MYO1E: variants seen among roughly 807,000 people sequenced by gnomAD.
MYO1E encodes myosin IE.
Under a neutral mutation model 151.1 loss-of-function variants are expected in MYO1E, and 68 were observed. The ratio of observed to expected loss-of-function variants is 0.45; its 90% CI spans 0.37 to 0.55. The LOEUF (loss-of-function observed/expected upper bound fraction) is 0.55. Among genes scored for constraint, MYO1E ranks in the 20% least tolerant of loss-of-function variants. The pLI is 0.00. For synonymous variants in MYO1E, 601 were observed against 501.7 expected, an observed-to-expected ratio of 1.20 and a Z score of -2.64; for missense variants, 1,363 against 1,389.3, an observed-to-expected ratio of 0.98 and a Z score of 0.30.
At chr15:59,284,914 C>A (rs2080378382) in intron 1 of MYO1E, among the ~76,000 whole-genome samples, 1 of 152,196 alleles carries the variant, frequency 6.6e-6, no homozygotes, top group Admixed American at 6.5e-5. Flanking sequence ...CATTTCACTT[C>A]TGCTCTGATT....
intron 1 of MYO1E, among the ~76,000 whole-genome samples, chr15:59,322,308 C>T (rs73426976): frequency 0.19 from 29,293 of 152,056 alleles, 3,559 homozygotes; most frequent in African/African-American, 0.34. Flanking sequence ...ACATGTACCC[C>T]TTGAATCTAA....
chr15:59,260,357 C>T (rs1310143334), intron 3 of MYO1E, among the ~76,000 whole-genome samples: 1 of 152,206 alleles, frequency 6.6e-6, no homozygotes, highest in East Asian at 1.9e-4. Flanking sequence ...CAGCCTCCTT[C>T]GGCTCCAGCT....
At chr15:59,194,233 G>A (rs2079751943) in intron 17 of MYO1E, among the ~76,000 whole-genome samples, 1 of 151,994 alleles carries the variant, frequency 6.6e-6, no homozygotes, top group African/African-American at 2.4e-5. Context: ...TCAGAACATA[G>A]TGGCCTGAAA....
At chr15:59,157,015 G>A (rs2079513028) in intron 25 of MYO1E, among the ~76,000 whole-genome samples, 4 of 151,908 alleles carry the variant, frequency 2.6e-5, no homozygotes, top group Admixed American at 2.6e-4. Context: ...TTGAACCTAG[G>A]AGTTCAAGAC....
In MYO1E at chr15:59,136,523, A is replaced by G. The variant is rs1377375270; in HGVS notation, c.*857T>C. On this transcript the variant is annotated 3_prime_UTR_variant, in exon 28 of 28. Transcript: ENST00000288235. The stretch of plus-strand genomic sequence containing the variant: ...AGCACATCTTTAAGTACCTGGTGTG[A>G]GTTTTGTAAGAAAACCTACCTTATG... The G allele has an allele frequency of 9.3e-6, 3 of 322,224 alleles. No individual in the cohort carries two copies. The highest frequency in any genetic ancestry group is 4.3e-5 in the African/African-American group (2 of 46,410). The allele number at this position is 322,224 out of a possible 1,614,324, so 20.0% of individuals were successfully genotyped here. A position where few individuals can be genotyped will look rare whatever the true frequency, so the allele number is the denominator to read the frequency against.
At chr15:59,359,149 G>C (rs2080871069) in intron 1 of MYO1E, among the ~76,000 whole-genome samples, 1 of 151,906 alleles carries the variant, frequency 6.6e-6, no homozygotes, top group Middle Eastern at 3.4e-3. Context: ...AACAAGGTTG[G>C]GCACAGTAGC....
intron 2 of MYO1E, among the ~76,000 whole-genome samples, chr15:59,262,525 G>C (rs530124770): frequency 1.3e-5 from 2 of 152,286 alleles, no homozygotes; most frequent in African/African-American, 2.4e-5. Flanking sequence ...CTACTGGGCA[G>C]GCTGAGGCGG....
intron 1 of MYO1E, among the ~76,000 whole-genome samples, chr15:59,285,102 G>C (rs2080379288): frequency 6.6e-6 from 1 of 152,148 alleles, no homozygotes; most frequent in African/African-American, 2.4e-5. Flanking sequence ...ATACGATTCA[G>C]GAATGTAACT....
In MYO1E at chr15:59,137,203, A is replaced by G; in HGVS notation, c.*177T>C. 1.5e-6 allele frequency: 1 copy of G among 654,938 alleles called. No homozygotes were observed. The highest frequency in any genetic ancestry group is 1.7e-5 in the South Asian group (1 of 57,358). 40.6% of individuals were successfully genotyped at this position (654,938 alleles called of 1,614,324 possible). On this transcript the variant is annotated 3_prime_UTR_variant, in exon 28 of 28. Coordinates refer to ENST00000288235, the MANE Select transcript of MYO1E (RefSeq NM_004998.4). ...ACCTTTTAGGATCACTTATGGAGTG[A>G]TACTCCCTGTCCCCAACCCAGCCTT...
At chr15:59,348,946 A>C (rs1379893766) in intron 1 of MYO1E, 2 of 152,236 alleles carry the variant, frequency 1.3e-5, no homozygotes, top group African/African-American at 2.4e-5. Flanking sequence ...CAATATCTTA[A>C]TGAGACACAA....
At chr15:59,203,967 C>A (rs750358523) in intron 15 of MYO1E, among the ~76,000 whole-genome samples, 1 of 152,208 alleles carries the variant, frequency 6.6e-6, no homozygotes, top group Non-Finnish European at 1.5e-5. Flanking sequence ...TGACCAGATA[C>A]AACTACAGAT....
intron 4 of MYO1E, among the ~76,000 whole-genome samples, chr15:59,239,103 G>C (rs1273991306): frequency 6.6e-6 from 1 of 151,346 alleles, no homozygotes; most frequent in Non-Finnish European, 1.5e-5. Flanking sequence ...CTACTCAGGA[G>C]GCTGAGGCAG....
intron 10 of MYO1E, among the ~76,000 whole-genome samples, chr15:59,217,036 C>G (rs1401103925): frequency 6.6e-6 from 1 of 152,114 alleles, no homozygotes. Flanking sequence ...CCAACAGCCA[C>G]ATGGGCAATC....
chr15:59,180,671 C>G (rs2079653013), intron 18 of MYO1E, among the ~76,000 whole-genome samples: 1 of 152,006 alleles, frequency 6.6e-6, no homozygotes, highest in Non-Finnish European at 1.5e-5. Context: ...TTCCATGAAG[C>G]CTGATACATC....
At chr15:59,142,352 C>T (rs192497831) in intron 26 of MYO1E, among the ~76,000 whole-genome samples, 177 of 152,264 alleles carry the variant, frequency 1.2e-3, no homozygotes, top group African/African-American at 3.9e-3. Flanking sequence ...GATACAGGGT[C>T]CTCCTGCTGA....
At chr15:59,312,367 C>G (rs1223711863) in intron 1 of MYO1E, among the ~76,000 whole-genome samples, 1 of 152,170 alleles carries the variant, frequency 6.6e-6, no homozygotes, top group East Asian at 1.9e-4. Context: ...GGAACAGGAA[C>G]TTGGGCCGAG....
intron 3 of MYO1E, among the ~76,000 whole-genome samples, chr15:59,258,760 G>A (rs1237081740): frequency 2.0e-5 from 3 of 152,096 alleles, no homozygotes; most frequent in East Asian, 1.9e-4. Context: ...GGGAAGCTGC[G>A]GTCGGGGGAT....
intron 4 of MYO1E, among the ~76,000 whole-genome samples, chr15:59,253,170 G>A (rs1273544207): frequency 6.6e-6 from 1 of 152,208 alleles, no homozygotes; most frequent in Non-Finnish European, 1.5e-5. Context: ...ATCACCTTGG[G>A]AGACTGCTAG....
chr15:59,298,490 A>T (rs1311184094), intron 1 of MYO1E, among the ~76,000 whole-genome samples: 1 of 152,196 alleles, frequency 6.6e-6, no homozygotes, highest in African/African-American at 2.4e-5. Flanking sequence ...TTAATGGCCC[A>T]GACAGCACTG....
Sources: gnomAD v4.1 joint callset for allele counts (sites outside exome capture counted in the v4.1 genomes callset) on GRCh38, gnomAD v4.1.1 for gene constraint, MANE v1.5 for transcripts, NCBI Gene and HGNC (gene_info 2026-07-23, HGNC 2026-07-21) for gene names.